The following WDR19 variants were observed in gnomAD, a reference collection of about 807,000 sequenced individuals.
WDR19 encodes WD repeat domain 19, also known as WD repeat-containing protein 19.
Under a neutral mutation model 180.0 loss-of-function variants are expected in WDR19, and 121 were observed. The observed-to-expected ratio is 0.67, with a 90% CI of 0.58 to 0.78. The LOEUF is 0.78. Among genes scored for constraint, WDR19 ranks in the 30% least tolerant of loss-of-function variants. The pLI is 0.00. For missense variants in WDR19, 1,450 were observed against 1,640.7 expected (o/e 0.88, Z 2.01); for synonymous variants, 497 against 540.7 (o/e 0.92, Z 1.12).
rs762937173 is a variant in WDR19 at position 39,186,644 on chromosome 4, T to C, written c.164+40T>C. 5 of 1,385,398 alleles carry C rather than the reference T, an allele frequency of 3.6e-6. No homozygotes were observed. In the East Asian group the frequency reaches 1.2e-4, roughly 33 times the overall value. The allele number at this position is 1,385,398 out of a possible 1,614,324, so 85.8% of individuals were successfully genotyped here. ...AGATTTAAAAAAACCTGTCAAGTTTTGTTGCCTAAAAGATTAAAAAAATAC... is the reference window on the plus strand; with the variant it reads ...AGATTTAAAAAAACCTGTCAAGTTTCGTTGCCTAAAAGATTAAAAAAATAC... On this transcript the variant is annotated intron_variant, in intron 3 of 36. Coordinates refer to ENST00000399820, the MANE Select transcript of WDR19 (RefSeq NM_025132.4).
intron 19 of WDR19, 180 bp downstream of exon 19, chr4:39,232,452 T>C (rs1730978659): frequency 4.3e-6 from 2 of 467,002 alleles, no homozygotes; most frequent in South Asian, 4.8e-5. Context: ...TGATGAAACC[T>C]CATCTCAGCT....
intron 36 of WDR19, among the ~76,000 whole-genome samples, chr4:39,281,230 T>TAGAGAGAGAGAGAGAGAGAGAGAG (rs796659495): frequency 2.1e-5 from 2 of 97,124 alleles, no homozygotes; most frequent in East Asian, 2.6e-4. Flanking sequence ...TATATATATA[T>TAGAGAGAGAGAGAGAGAGAGAGAG]ATATATAGAG....
rs779700299 is a variant in WDR19 at position 39,205,278 on chromosome 4, A to G, written c.716+12A>G. 13 of 1,563,270 alleles carry G rather than the reference A, an allele frequency of 8.3e-6. No homozygotes were observed. Among genetic ancestry groups the G allele is most frequent in the South Asian group, 2.3e-5 (2 of 85,578 alleles). ...GTCTGCTATAATTGGTATGTCTGCT[A>G]TAACTGGTATGTACAAAAAGCTCAT... On this transcript the variant is annotated intron_variant, in intron 8 of 36. Coordinates refer to ENST00000399820, the MANE Select transcript of WDR19 (RefSeq NM_025132.4).
At chr4:39,194,926 C>G (rs1024253100) in intron 5 of WDR19, 3 of 396,702 alleles carry the variant, frequency 7.6e-6, no homozygotes, top group Non-Finnish European at 9.0e-6. Context: ...TTCCATTTGT[C>G]CTTTCCCACC....
chr4:39,193,091 ATACT>A (rs745588714), intron 4 of WDR19, among the ~76,000 whole-genome samples: 7 of 152,312 alleles, frequency 4.6e-5, no homozygotes, highest in South Asian at 2.1e-4. Flanking sequence ...TGTAAAATAG[ATACT>A]TAATAGAAGA....
intron 32 of WDR19, chr4:39,274,083 T>A (rs1394123356): frequency 6.6e-6 from 1 of 152,246 alleles, no homozygotes; most frequent in Non-Finnish European, 1.5e-5. Flanking sequence ...GTTAACCACA[T>A]ACACTTTTAA....
chr4:39,225,016 G>T lies in WDR19; in HGVS notation c.1612G>T (p.Gly538Ter). 6.4e-7 allele frequency: 1 copy of T among 1,560,848 alleles called. No individual in the cohort carries two copies. Among genetic ancestry groups the T allele is most frequent in the East Asian group, 2.3e-5 (1 of 43,356 alleles). Residue 538 changes from glycine (G) to a stop codon, truncating the protein, a stop_gained, in exon 15 of 37, where the codon GGA (glycine) becomes TGA (stop). Coordinates refer to ENST00000399820, the MANE Select transcript of WDR19 (RefSeq NM_025132.4). LOFTEE classifies it high-confidence loss of function. ...AGTTTTCATTGATGAAAAAAGTGAT[G>T]GATTTGTTTACTGTCCAGTAAGTCT... Reference protein sequence around the residue: ...RLVFIDEKSDGFVYCPVNDAT... With the variant: ...RLVFIDEKSD
intron 31 of WDR19, among the ~76,000 whole-genome samples, 152 bp from the exon 32 acceptor site, chr4:39,272,828 G>A (rs916896423): frequency 2.6e-5 from 4 of 152,206 alleles, no homozygotes; most frequent in African/African-American, 9.6e-5. Context: ...GAAAAAAGTG[G>A]AGGGATCTCT....
intron 28 of WDR19, among the ~76,000 whole-genome samples, chr4:39,258,221 C>T (rs186320391): frequency 2.2e-4 from 33 of 152,062 alleles, no homozygotes; most frequent in African/African-American, 7.7e-4. Context: ...GGTGCAATCT[C>T]GGCTCACTGC....
intron 33 of WDR19, 58 bp downstream of exon 33, chr4:39,275,016 A>T: frequency 1.9e-6 from 3 of 1,587,042 alleles, no homozygotes; most frequent in Non-Finnish European, 2.6e-6. Context: ...ATTTCCAAAA[A>T]TGTAGCTGCC....
intron 9 of WDR19, among the ~76,000 whole-genome samples, chr4:39,213,730 C>T (rs1728768757): frequency 6.6e-6 from 1 of 152,102 alleles, no homozygotes; most frequent in South Asian, 2.1e-4. Flanking sequence ...CAAGTAAACA[C>T]ACACACTAAG....
At chr4:39,278,727 C>T (rs2109527107) in intron 36 of WDR19, 64 bp downstream of exon 36, 1 of 900,126 alleles carries the variant, frequency 1.1e-6, no homozygotes, top group Non-Finnish European at 1.7e-6. Context: ...CGCAGCTTTT[C>T]ACTGTGTATC....
intron 21 of WDR19, among the ~76,000 whole-genome samples, chr4:39,242,869 T>C (rs1343984048): frequency 6.6e-6 from 1 of 152,096 alleles, no homozygotes; most frequent in African/African-American, 2.4e-5. Flanking sequence ...GGTTTTGCCA[T>C]GTTAGCCAGG....
chr4:39,220,397 C>G (rs1729533026), intron 14 of WDR19, among the ~76,000 whole-genome samples: 1 of 152,036 alleles, frequency 6.6e-6, no homozygotes, highest in African/African-American at 2.4e-5. Context: ...TAGCTTACTA[C>G]AATCACAACC....
At chr4:39,266,650 A>C (rs1007060873) in intron 29 of WDR19, among the ~76,000 whole-genome samples, 2 of 152,278 alleles carry the variant, frequency 1.3e-5, no homozygotes, top group Non-Finnish European at 2.9e-5. Context: ...TCTAGGAACT[A>C]TGAAAAAAGA....
chr4:39,247,596 A>C (rs886171560), intron 24 of WDR19, among the ~76,000 whole-genome samples: 26 of 152,332 alleles, frequency 1.7e-4, no homozygotes, highest in Non-Finnish European at 2.9e-4. Context: ...CAAAGAAGTT[A>C]AAAACTTTGA....
intron 24 of WDR19, among the ~76,000 whole-genome samples, chr4:39,251,401 A>G (rs1313077292): frequency 6.6e-6 from 1 of 152,200 alleles, no homozygotes; most frequent in East Asian, 1.9e-4. Context: ...CTAAAACCAT[A>G]AAAACCCTAG....
chr4:39,258,043 C>T (rs1298659701), intron 28 of WDR19, among the ~76,000 whole-genome samples: 1 of 151,866 alleles, frequency 6.6e-6, no homozygotes, highest in Non-Finnish European at 1.5e-5. Flanking sequence ...TTTGTTTTGC[C>T]TGTGTATAAA....
At chr4:39,281,432 G>A (rs551338327) in intron 36 of WDR19, among the ~76,000 whole-genome samples, 8 of 112,138 alleles carry the variant, frequency 7.1e-5, no homozygotes, top group East Asian at 4.5e-4. Context: ...CTTCTTTGCC[G>A]TTGACGTGTT....
Sources: allele counts gnomAD v4.1 joint callset (sites outside exome capture counted in the v4.1 genomes callset), GRCh38; gene constraint gnomAD v4.1.1; transcripts MANE v1.5; gene names NCBI Gene and HGNC (gene_info 2026-07-23, HGNC 2026-07-21).